The following KLHL7 variants were observed in gnomAD, a reference collection of about 807,000 sequenced individuals.
KLHL7 encodes the protein kelch like family member 7, also known as kelch-like protein 7.
KLHL7 carries 44 observed loss-of-function variants against 67.4 expected under a neutral mutation model. The ratio of observed to expected loss-of-function variants is 0.65; its 90% CI spans 0.51 to 0.84. KLHL7 has a LOEUF of 0.84. Among genes scored for constraint, KLHL7 ranks in the 40% least tolerant of loss-of-function variants. The pLI, the probability that KLHL7 is intolerant of heterozygous loss-of-function variation, is 0.00. For missense variants in KLHL7, 362 were observed against 718.1 expected, an observed-to-expected ratio of 0.50 and a Z score of 5.67; for synonymous variants, 252 against 243.3, an observed-to-expected ratio of 1.04 and a Z score of -0.33.
chr7:23,114,857 A>G (rs1783021537), intron 1 of KLHL7, among the ~76,000 whole-genome samples: 1 of 152,336 alleles, frequency 6.6e-6, no homozygotes, highest in Non-Finnish European at 1.5e-5. Context: ...GGTGAACCAA[A>G]TGACAGCCTA....
chr7:23,118,761 A>C (rs1479435697), intron 1 of KLHL7, among the ~76,000 whole-genome samples: 1 of 151,724 alleles, frequency 6.6e-6, no homozygotes, highest in Non-Finnish European at 1.5e-5. Flanking sequence ...TTTTTTTTTA[A>C]GAGCAGTTTT....
At chr7:23,106,489 G>A (rs1782645556) in intron 1 of KLHL7, 1 of 1,181,874 alleles carries the variant, frequency 8.5e-7, no homozygotes, top group Non-Finnish European at 1.1e-6. Context: ...GCCGTTTTAA[G>A]GTGCCGTGAG....
Position 23,164,672 on chromosome 7 carries a change from T to C in KLHL7, c.937-1026T>C, listed in dbSNP as rs1443973203. ...ACCTAAAAAGCAAAATGTTCATCTT[T>C]GTCAGGAGTCAAAGTATTCTACATT... On this transcript the variant is annotated intron_variant, in intron 7 of 10. Coordinates refer to ENST00000339077, the MANE Select transcript of KLHL7 (RefSeq NM_001031710.3). 2.0e-5 allele frequency among the ~76,000 whole-genome samples: 3 copies of C among 152,226 alleles called. No homozygotes were observed. The East Asian group carries it at 5.8e-4, about 29-fold the overall frequency.
At position 23,146,906 on chromosome 7, in the gene KLHL7, C is replaced by T. The variant is rs372406633; in HGVS notation, c.793+2881C>T. 3.5e-3 allele frequency among the ~76,000 whole-genome samples: 538 copies of T among 152,132 alleles called. 5 individuals carry two copies. The highest frequency in any genetic ancestry group is 0.012 in the African/African-American group (499 of 41,528). ...GTACACATACACACAGTCAGTTTCT[C>T]TTCTACTTCATTCTAATACCTTTTA... is the stretch of plus-strand genomic sequence containing the variant. On this transcript the variant is annotated intron_variant, in intron 6 of 10. Coordinates refer to ENST00000339077, the MANE Select transcript of KLHL7 (RefSeq NM_001031710.3).
At chr7:23,107,968 G>A (rs1015526300) in intron 1 of KLHL7, among the ~76,000 whole-genome samples, 2 of 152,188 alleles carry the variant, frequency 1.3e-5, no homozygotes, top group Non-Finnish European at 2.9e-5. Context: ...TGACTGACAA[G>A]GGCAGTTGAT....
intron 9 of KLHL7, among the ~76,000 whole-genome samples, chr7:23,170,917 T>C (rs1338207708): frequency 1.3e-5 from 2 of 150,606 alleles, no homozygotes; most frequent in African/African-American, 4.9e-5. Flanking sequence ...CTTTTTTTTT[T>C]TTTTTTTGTG....
intron 7 of KLHL7, among the ~76,000 whole-genome samples, chr7:23,154,967 C>T (rs1784654570): frequency 6.6e-6 from 1 of 152,166 alleles, no homozygotes; most frequent in Non-Finnish European, 1.5e-5. Flanking sequence ...TACCATAACA[C>T]TTAACACCAT....
At chr7:23,162,888 C>T (rs186418948) in intron 7 of KLHL7, among the ~76,000 whole-genome samples, 218 of 152,248 alleles carry the variant, frequency 1.4e-3, no homozygotes, top group African/African-American at 4.8e-3. Flanking sequence ...GATAATTTTG[C>T]TTTCTTTTTT....
chr7:23,115,525 G>A (rs1783047838), intron 1 of KLHL7, among the ~76,000 whole-genome samples: 1 of 151,900 alleles, frequency 6.6e-6, no homozygotes, highest in South Asian at 2.1e-4. Flanking sequence ...CTCTGGCATA[G>A]GACTCATTTT....
At chr7:23,140,040 G>C (rs890660525) in intron 4 of KLHL7, among the ~76,000 whole-genome samples, 1 of 151,952 alleles carries the variant, frequency 6.6e-6, no homozygotes, top group African/African-American at 2.4e-5. Context: ...GTTTATATCT[G>C]AATAAGTTTG....
chr7:23,112,148 A>G (rs1782901918), intron 1 of KLHL7, among the ~76,000 whole-genome samples: 1 of 152,224 alleles, frequency 6.6e-6, no homozygotes, highest in East Asian at 1.9e-4. Context: ...AGCTATTTGT[A>G]TTGTGATGCT....
At chr7:23,140,090 A>G (rs762292562) in intron 4 of KLHL7, among the ~76,000 whole-genome samples, 1 of 152,236 alleles carries the variant, frequency 6.6e-6, no homozygotes, top group South Asian at 2.1e-4. Flanking sequence ...TCCATGCTGC[A>G]GAAGTTGTCC....
intron 1 of KLHL7, 176 bp downstream of exon 1, chr7:23,106,322 A>G (rs1412493145): frequency 2.0e-6 from 3 of 1,465,222 alleles, no homozygotes; most frequent in Non-Finnish European, 2.7e-6. Flanking sequence ...CGCGTAAAAC[A>G]ATTCTCGAGC....
At chr7:23,167,770 A>G in intron 8 of KLHL7, 66 bp from the exon 9 acceptor site, 1 of 1,393,408 alleles carries the variant, frequency 7.2e-7, no homozygotes, top group Non-Finnish European at 1.0e-6. Flanking sequence ...TAAGATCTAC[A>G]GTCAGTTCTT....
chr7:23,117,763 T>G, intron 1 of KLHL7: 1 of 1,392,842 alleles, frequency 7.2e-7, no homozygotes, highest in South Asian at 1.3e-5. Flanking sequence ...TATTGAAGCT[T>G]TTCTAGTAAC....
chr7:23,167,723 T>C, intron 8 of KLHL7, 113 bp from the exon 9 acceptor site: 1 of 847,560 alleles, frequency 1.2e-6, no homozygotes, highest in Non-Finnish European at 1.9e-6. Flanking sequence ...AGTATGAAAA[T>C]GGCCGTATGA....
At chr7:23,163,828 T>G (rs1169749941) in intron 7 of KLHL7, among the ~76,000 whole-genome samples, 1 of 152,162 alleles carries the variant, frequency 6.6e-6, no homozygotes, top group Non-Finnish European at 1.5e-5. Context: ...ATTTCACATC[T>G]CAGCACCTAA....
At position 23,162,946 on chromosome 7, in the gene KLHL7, G is replaced by C. The variant is rs539342476; in HGVS notation, c.937-2752G>C. On this transcript the variant is annotated intron_variant, in intron 7 of 10. Coordinates refer to ENST00000339077, the MANE Select transcript of KLHL7 (RefSeq NM_001031710.3). ...ATTCGGCTCGATTTTCTCTCAAAATGATCCAAAATAAAGTTCTCAGGTATT... is the reference window on the plus strand; with the variant it reads ...ATTCGGCTCGATTTTCTCTCAAAATCATCCAAAATAAAGTTCTCAGGTATT... 5.2e-4 allele frequency among the ~76,000 whole-genome samples: 79 copies of C among 152,140 alleles called. 2 individuals carry two copies. The South Asian group carries it at 0.015, about 29-fold the overall frequency.
At chr7:23,132,874 C>T (rs769097730) in intron 4 of KLHL7, among the ~76,000 whole-genome samples, 2 of 152,116 alleles carry the variant, frequency 1.3e-5, no homozygotes, top group Admixed American at 6.5e-5. Context: ...ATCCAGTTTT[C>T]CCAGCACCAC....
Sources: gnomAD v4.1 joint callset for allele counts (sites outside exome capture counted in the v4.1 genomes callset) on GRCh38, gnomAD v4.1.1 for gene constraint, MANE v1.5 for transcripts, NCBI Gene and HGNC (gene_info 2026-07-23, HGNC 2026-07-21) for gene names.